Variants in IQCK observed in about 807,000 individuals in gnomAD.
IQCK encodes IQ motif containing K, also known as IQ domain-containing protein K.
In IQCK, 29 loss-of-function variants were observed where a neutral mutation model predicts 28.1. The ratio of observed to expected loss-of-function variants is 1.03; its 90% CI spans 0.77 to 1.41. The LOEUF is 1.41. Among genes scored for constraint, IQCK ranks in the 40% most tolerant of loss-of-function variants. The probability of loss-of-function intolerance (pLI) is 0.00; values close to 1 mark genes in which losing one functional copy is unlikely to be tolerated. For missense variants in IQCK, 359 were observed against 314.7 expected, an observed-to-expected ratio of 1.14 and a Z score of -1.07; for synonymous variants, 113 against 115.1, an observed-to-expected ratio of 0.98 and a Z score of 0.12.
chr16:19,743,987 T>G (rs1338695545), intron 4 of IQCK, among the ~76,000 whole-genome samples: 2 of 152,156 alleles, frequency 1.3e-5, no homozygotes, highest in Non-Finnish European at 2.9e-5. Flanking sequence ...GTGGTGTGTG[T>G]GGGTGTGTGT....
chr16:19,858,464 C>T (rs764895836), exon 10 of IQCK: 3 of 676,740 alleles, frequency 4.4e-6, no homozygotes, highest in South Asian at 3.2e-5. Context: ...ACTTAGAAAA[C>T]GAACGTGTGA....
intron 2 of IQCK, among the ~76,000 whole-genome samples, chr16:19,733,211 C>T (rs1219301265): frequency 2.6e-5 from 4 of 151,900 alleles, no homozygotes; most frequent in African/African-American, 4.8e-5. Context: ...GATCTCAGCT[C>T]ACTGTAGCCG....
At chr16:19,848,855 G>A (rs1285676155) in intron 9 of IQCK, among the ~76,000 whole-genome samples, 5 of 152,094 alleles carry the variant, frequency 3.3e-5, no homozygotes, top group South Asian at 2.1e-4. Context: ...AGGAGGAAAC[G>A]TTATTTTCCT....
intron 9 of IQCK, among the ~76,000 whole-genome samples, chr16:19,839,877 C>A (rs1488923731): frequency 6.6e-6 from 1 of 151,970 alleles, no homozygotes; most frequent in East Asian, 1.9e-4. Flanking sequence ...TGCCTGTAGA[C>A]CCAGCTGCTC....
chr16:19,747,011 G>C (rs770790179), intron 4 of IQCK, among the ~76,000 whole-genome samples: 62 of 152,188 alleles, frequency 4.1e-4, no homozygotes, highest in Admixed American at 7.9e-4. Flanking sequence ...AGGCATCGTG[G>C]CTCATGGCTG....
downstream of IQCK, among the ~76,000 whole-genome samples, chr16:19,827,548 G>C (rs932619237): frequency 2.6e-5 from 4 of 152,144 alleles, no homozygotes; most frequent in Non-Finnish European, 1.5e-5. Flanking sequence ...CTAATTTTAT[G>C]TGTCAACTTG....
chr16:19,748,236 A>G (rs1254842292), intron 4 of IQCK, among the ~76,000 whole-genome samples: 1 of 151,840 alleles, frequency 6.6e-6, no homozygotes, highest in Admixed American at 6.6e-5. Flanking sequence ...CACCAGTCCC[A>G]GCTAATTTTT....
intron 7 of IQCK, chr16:19,819,590 T>A (rs1185503003): frequency 6.1e-6 from 1 of 164,564 alleles, no homozygotes; most frequent in Non-Finnish European, 1.4e-5. Flanking sequence ...CCAAATGCTC[T>A]TTCAATCCAG....
intron 9 of IQCK, among the ~76,000 whole-genome samples, chr16:19,841,880 T>C (rs1442697116): frequency 6.6e-6 from 1 of 151,864 alleles, no homozygotes; most frequent in African/African-American, 2.4e-5. Flanking sequence ...AGTTTTGTTC[T>C]TGTCACCCAA....
intron 6 of IQCK, among the ~76,000 whole-genome samples, chr16:19,785,556 A>G (rs1259173672): frequency 6.6e-6 from 1 of 152,232 alleles, no homozygotes; most frequent in East Asian, 1.9e-4. Context: ...TTTCCTGCAC[A>G]GCTGATGGGA....
At chr16:19,818,677 G>A (rs62025051) in intron 7 of IQCK, among the ~76,000 whole-genome samples, 26,545 of 152,058 alleles carry the variant, frequency 0.17, 2,389 homozygotes, top group South Asian at 0.26. Context: ...ACAGGTGTGA[G>A]CCATCGTGCT....
At chr16:19,721,470 A>G (rs566561624) in intron 1 of IQCK, among the ~76,000 whole-genome samples, 1 of 152,246 alleles carries the variant, frequency 6.6e-6, no homozygotes, top group East Asian at 1.9e-4. Flanking sequence ...CACTCGTGTT[A>G]GTGTCAATAA....
intron 6 of IQCK, among the ~76,000 whole-genome samples, chr16:19,782,819 A>T (rs1567555490): frequency 6.6e-6 from 1 of 152,130 alleles, no homozygotes; most frequent in Non-Finnish European, 1.5e-5. Flanking sequence ...CTTATTATGT[A>T]TTTTGTTAGC....
chr16:19,817,884 C>A (rs1269979407), intron 7 of IQCK, among the ~76,000 whole-genome samples: 1 of 152,000 alleles, frequency 6.6e-6, no homozygotes, highest in Non-Finnish European at 1.5e-5. Flanking sequence ...AAGAGTAAAC[C>A]AATTGTAAAG....
intron 4 of IQCK, among the ~76,000 whole-genome samples, chr16:19,740,012 C>T (rs73541473): frequency 1.3e-5 from 2 of 152,200 alleles, no homozygotes; most frequent in Non-Finnish European, 2.9e-5. Context: ...AAGCAACAGA[C>T]AGCACACATC....
chr16:19,745,256 TC>T lies in IQCK; in HGVS notation c.474+9807del, dbSNP rs200033121. 3.8e-3 allele frequency among the ~76,000 whole-genome samples: 583 copies of T among 152,314 alleles called. 3 individuals carry two copies. Among genetic ancestry groups the T allele is most frequent in the African/African-American group, 0.013 (536 of 41,564 alleles). On this transcript the variant is annotated intron_variant, in intron 4 of 7. Coordinates refer to ENST00000564186, the Ensembl canonical transcript of IQCK. The stretch of plus-strand genomic sequence containing the variant: ...CACTCAGTGAATCACCTCACCTACA[TC>T]TTTTTACCATTCATTCTTTCTTTAA...
chr16:19,854,310 T>C (rs751442799), intron 9 of IQCK, among the ~76,000 whole-genome samples: 3 of 152,204 alleles, frequency 2.0e-5, no homozygotes, highest in Non-Finnish European at 4.4e-5. Context: ...ATGGGTGGGC[T>C]CCACCCCCAG....
intron 4 of IQCK, among the ~76,000 whole-genome samples, chr16:19,757,453 A>G (rs376467768): frequency 1.1e-4 from 16 of 152,186 alleles, no homozygotes; most frequent in East Asian, 7.7e-4. Context: ...CGGGTAGATC[A>G]CTTGAGGCCA....
chr16:19,757,207 T>A (rs976886614), intron 4 of IQCK, among the ~76,000 whole-genome samples: 1 of 152,150 alleles, frequency 6.6e-6, no homozygotes, highest in African/African-American at 2.4e-5. Flanking sequence ...ACTCACAGCA[T>A]GTGCTTTTGA....
Sources: allele counts gnomAD v4.1 joint callset (sites outside exome capture counted in the v4.1 genomes callset), GRCh38; gene constraint gnomAD v4.1.1; transcripts MANE v1.5; gene names NCBI Gene and HGNC (gene_info 2026-07-23, HGNC 2026-07-21).